The following TNRC6B variants were observed in gnomAD, a reference collection of about 807,000 sequenced individuals.
TNRC6B encodes the protein trinucleotide repeat containing adaptor 6B, also known as trinucleotide repeat-containing gene 6B protein.
TNRC6B carries 52 observed loss-of-function variants against 203.6 expected under a neutral mutation model. The ratio of observed to expected loss-of-function variants is 0.26; its 90% CI spans 0.20 to 0.32. TNRC6B has a LOEUF of 0.32. Ranked by LOEUF, TNRC6B falls within the 10% of genes least tolerant of loss-of-function variation. The probability of loss-of-function intolerance (pLI) is 1.00; values close to 1 mark genes in which losing one functional copy is unlikely to be tolerated. For synonymous variants in TNRC6B, 838 were observed against 845.7 expected, an observed-to-expected ratio of 0.99 and a Z score of 0.16; for missense variants, 1,923 against 2,286.2, an observed-to-expected ratio of 0.84 and a Z score of 3.24.
In TNRC6B at chr22:40,324,381, C is replaced by G. The variant is rs1305559135; in HGVS notation, c.*1140C>G. The G allele has an allele frequency of 6.6e-6, 1 of 151,712 alleles. No individual in the cohort carries two copies. Among genetic ancestry groups the G allele is most frequent in the South Asian group, 2.1e-4 (1 of 4,806 alleles). The allele number at this position is 151,712 out of a possible 1,614,324, so 9.4% of individuals were successfully genotyped here. A position where few individuals can be genotyped will look rare whatever the true frequency, so the allele number is the denominator to read the frequency against. ...CCTTTTCGTTAGTTTGAAATGGGAA[C>G]GGAAGATAACTTTTGATGATGCGAT... On this transcript the variant is annotated 3_prime_UTR_variant, in exon 23 of 23. Transcript: ENST00000454349.
intron 1 of TNRC6B, among the ~76,000 whole-genome samples, chr22:40,221,305 C>T (rs1443756954): frequency 6.6e-6 from 1 of 152,110 alleles, no homozygotes; most frequent in Non-Finnish European, 1.5e-5. Context: ...GCCTGAGTGT[C>T]TAGCTATTTC....
chr22:40,253,341 C>T (rs927578196), intron 3 of TNRC6B, among the ~76,000 whole-genome samples: 2 of 151,402 alleles, frequency 1.3e-5, no homozygotes, highest in African/African-American at 2.4e-5. Flanking sequence ...CCGCCTGCCT[C>T]GGCCTCCCAA....
At chr22:40,219,116 A>G (rs1229712007) in intron 1 of TNRC6B, among the ~76,000 whole-genome samples, 1 of 152,158 alleles carries the variant, frequency 6.6e-6, no homozygotes, top group African/African-American at 2.4e-5. Context: ...TGTTACAGTC[A>G]CCCATTGTAT....
rs114543282 is a variant in TNRC6B, at chr22:40,063,619, G to A, written c.-121+18621G>A. On this transcript the variant is annotated intron_variant, in intron 1 of 23. Transcript: ENST00000301923. Reference sequence around the variant, plus strand: ...TTATGGTTTTCAGCGTATAAGTGTTGCACTTCTTTTGTTAAATTTATTCCT... The same window carrying A: ...TTATGGTTTTCAGCGTATAAGTGTTACACTTCTTTTGTTAAATTTATTCCT... Among the ~76,000 whole-genome samples the A allele has an allele frequency of 3.1e-3, 467 of 152,096 alleles. 4 individuals carry two copies. The highest frequency in any genetic ancestry group is 0.011 in the African/African-American group (453 of 41,488).
intron 1 of TNRC6B, among the ~76,000 whole-genome samples, chr22:40,237,241 A>G (rs764308727): frequency 2.0e-4 from 31 of 152,186 alleles, no homozygotes; most frequent in Non-Finnish European, 4.1e-4. Context: ...AAAACAGCAA[A>G]GGCACTGCAG....
chr22:40,335,764 G>GTTTTTTTTATAAAAA lies in TNRC6B; in HGVS notation c.*12523_*12524insTTTTTTTTATAAAAA, dbSNP rs1555902029. On this transcript the variant is annotated 3_prime_UTR_variant, in exon 23 of 23. Transcript: ENST00000454349. Reference sequence around the variant, plus strand: ...ACTACAAAATATTTTTGGGTTCCTGGAAAAAAAAGAAAAAAGACTAATAAA... The same window carrying GTTTTTTTTATAAAAA: ...ACTACAAAATATTTTTGGGTTCCTGGTTTTTTTTATAAAAAAAAAAAAAGAAAAAAGACTAATAAA... 1 of 143,336 alleles carries GTTTTTTTTATAAAAA rather than the reference G, an allele frequency of 7.0e-6. No individual in the cohort carries two copies. 8.9% of individuals were successfully genotyped at this position (143,336 alleles called of 1,614,324 possible).
intron 3 of TNRC6B, among the ~76,000 whole-genome samples, chr22:40,261,591 C>T (rs1367367029): frequency 6.6e-6 from 1 of 151,548 alleles, no homozygotes; most frequent in African/African-American, 2.4e-5. Flanking sequence ...GAGACTCCGT[C>T]TCAAAAATAA....
chr22:40,151,383 G>C (rs1289179332), intron 3 of TNRC6B, among the ~76,000 whole-genome samples: 1 of 150,578 alleles, frequency 6.6e-6, no homozygotes, highest in Non-Finnish European at 1.5e-5. Context: ...GGCCAACATG[G>C]CGAAACCCCA....
At chr22:40,083,799 A>G (rs575131854) in intron 1 of TNRC6B, among the ~76,000 whole-genome samples, 1 of 152,292 alleles carries the variant, frequency 6.6e-6, no homozygotes, top group East Asian at 1.9e-4. Context: ...AGGTTTATAC[A>G]ACTGGTCGTG....
Position 40,265,326 on chromosome 22 carries a change from C to G in TNRC6B, c.1096C>G (p.Gln366Glu). The G allele has an allele frequency of 6.2e-7, 1 of 1,613,996 alleles. No individual in the cohort carries two copies. The highest frequency in any genetic ancestry group is 8.5e-7 in the Non-Finnish European group (1 of 1,179,886). The change falls in exon 5 of 23, where the codon CAA becomes GAA. Residue 366 changes from glutamine to glutamate, a missense_variant. Physicochemically the swap from Gln to Glu is conservative, Grantham distance 29. Around this residue, in one of 8 missense-constraint regions of TNRC6B, gnomAD observed 614 missense variants for 587.7 expected, o/e 1.04. Transcript: ENST00000454349. Reference sequence around the variant, plus strand: ...TGTTGTCTCTGGCAGAGAACAGGCTCAAATTCATAACACTGATGGACCAAA... The same window carrying G: ...TGTTGTCTCTGGCAGAGAACAGGCTGAAATTCATAACACTGATGGACCAAA... ...NFVVSGREQA[Q>E]IHNTDGPKNG...
chr22:40,308,403 A>G, intron 15 of TNRC6B, 109 bp from the exon 16 acceptor site: 1 of 1,275,992 alleles, frequency 7.8e-7, no homozygotes, highest in Non-Finnish European at 1.1e-6. Context: ...GAGTGGAGAA[A>G]CTCTGTGAAT....
At chr22:40,049,696 C>T (rs951641802) in intron 1 of TNRC6B, among the ~76,000 whole-genome samples, 1 of 152,066 alleles carries the variant, frequency 6.6e-6, no homozygotes, top group African/African-American at 2.4e-5. Flanking sequence ...TTCTGCCTTC[C>T]GGGTTTAAGT....
Position 40,077,350 on chromosome 22 carries a change from C to T in TNRC6B, c.-121+32352C>T, listed in dbSNP as rs148140984. Among the ~76,000 whole-genome samples the T allele has an allele frequency of 7.8e-3, 1,191 of 152,292 alleles. 6 individuals are homozygous for T. Among genetic ancestry groups the T allele is most frequent in the Middle Eastern group, 0.014 (4 of 294 alleles). On this transcript the variant is annotated intron_variant, in intron 1 of 23. Coordinates refer to the TNRC6B transcript ENST00000301923. ...AGAAATCACAGTGCTAACTGTTCTT[C>T]ACTGCCTGAAGTCATTGTTTCATAT...
chr22:40,107,246 A>C (rs2068293343), intron 1 of TNRC6B, among the ~76,000 whole-genome samples: 1 of 152,116 alleles, frequency 6.6e-6, no homozygotes, highest in Non-Finnish European at 1.5e-5. Flanking sequence ...TTTATTATTT[A>C]TCTTTCACAT....
intron 1 of TNRC6B, among the ~76,000 whole-genome samples, chr22:40,215,623 C>T (rs1430627336): frequency 1.3e-5 from 2 of 152,192 alleles, no homozygotes; most frequent in Non-Finnish European, 2.9e-5. Context: ...GACACTGGCC[C>T]AAAGCTCCAT....
intron 1 of TNRC6B, among the ~76,000 whole-genome samples, chr22:40,063,194 A>G (rs1410571458): frequency 6.6e-6 from 1 of 152,162 alleles, no homozygotes; most frequent in Non-Finnish European, 1.5e-5. Flanking sequence ...CTTTTAATTC[A>G]TTTAATTATC....
At chr22:40,048,497 C>A (rs2067713367) in intron 1 of TNRC6B, among the ~76,000 whole-genome samples, 1 of 150,402 alleles carries the variant, frequency 6.6e-6, no homozygotes, top group Non-Finnish European at 1.5e-5. Flanking sequence ...CCTGAGATCG[C>A]GCCACTGCAC....
At chr22:40,130,553 G>C (rs1286233680) in intron 3 of TNRC6B, among the ~76,000 whole-genome samples, 1 of 151,566 alleles carries the variant, frequency 6.6e-6, no homozygotes, top group Non-Finnish European at 1.5e-5. Context: ...AGGCCGAGGC[G>C]GGCGGATCAC....
chr22:40,253,103 T>C (rs1453039574), intron 3 of TNRC6B, among the ~76,000 whole-genome samples: 1 of 116,368 alleles, frequency 8.6e-6, no homozygotes, highest in Non-Finnish European at 1.6e-5. Context: ...TCTTTTTTTC[T>C]TTTTTTTTTT....
Sources: allele counts gnomAD v4.1 joint callset (sites outside exome capture counted in the v4.1 genomes callset), GRCh38; gene constraint gnomAD v4.1.1; regional missense constraint gnomAD v4.1.1; transcripts MANE v1.5; gene names NCBI Gene and HGNC (gene_info 2026-07-23, HGNC 2026-07-21).